The following CNBD1 variants were observed in gnomAD, a reference collection of about 807,000 sequenced individuals.
CNBD1 encodes cyclic nucleotide binding domain containing 1, also known as cyclic nucleotide-binding domain-containing protein 1.
A neutral mutation model predicts 54.4 loss-of-function variants in CNBD1; 71 were observed. The observed-to-expected ratio is 1.30, with a 90% confidence interval of 1.08 to 1.59. The LOEUF (loss-of-function observed/expected upper bound fraction) is 1.59, where lower values mean the gene tolerates loss of function less well. Ranked by LOEUF, CNBD1 falls within the 40% of genes most tolerant of loss-of-function variation. The pLI, the probability that CNBD1 is intolerant of heterozygous loss-of-function variation, is 0.00. For missense variants in CNBD1, 659 were observed against 518.0 expected, an observed-to-expected ratio of 1.27 and a Z score of -2.64; for synonymous variants, 182 against 170.7, an observed-to-expected ratio of 1.07 and a Z score of -0.51.
chr8:87,320,131 A>T (rs1809487656), intron 8 of CNBD1, among the ~76,000 whole-genome samples: 1 of 152,110 alleles, frequency 6.6e-6, no homozygotes, highest in Non-Finnish European at 1.5e-5. Flanking sequence ...TTTTAACTCC[A>T]AAAGAGAAAA....
intron 1 of CNBD1, among the ~76,000 whole-genome samples, chr8:86,882,217 C>T (rs1808615517): frequency 6.6e-6 from 1 of 152,090 alleles, no homozygotes; most frequent in Non-Finnish European, 1.5e-5. Context: ...GCAAAAGAAA[C>T]TGTCAGCAGA....
chr8:87,328,543 A>G (rs966312097), intron 8 of CNBD1, among the ~76,000 whole-genome samples: 1 of 151,950 alleles, frequency 6.6e-6, no homozygotes, highest in African/African-American at 2.4e-5. Context: ...ATCAGAAACT[A>G]TGAGGACTTC....
intron 2 of CNBD1, among the ~76,000 whole-genome samples, chr8:87,389,317 G>A (rs890374549): frequency 1.3e-5 from 2 of 152,174 alleles, no homozygotes; most frequent in Non-Finnish European, 2.9e-5. Context: ...AATTGTCCCT[G>A]TTTGCAGATG....
chr8:87,360,499 A>T (rs564534796), intron 10 of CNBD1, among the ~76,000 whole-genome samples: 1 of 151,938 alleles, frequency 6.6e-6, no homozygotes, highest in South Asian at 2.1e-4. Context: ...GTTTATTATT[A>T]TTTTTATAAA....
At chr8:87,279,340 A>G (rs865849241) in intron 6 of CNBD1, among the ~76,000 whole-genome samples, 1 of 151,556 alleles carries the variant, frequency 6.6e-6, no homozygotes, top group African/African-American at 2.4e-5. Context: ...AAATTTAGCA[A>G]TAAGTAGGAA....
At chr8:86,871,993 C>G (rs1258406222) in intron 1 of CNBD1, among the ~76,000 whole-genome samples, 1 of 152,200 alleles carries the variant, frequency 6.6e-6, no homozygotes, top group Non-Finnish European at 1.5e-5. Flanking sequence ...CAGCGTAGCT[C>G]ATTTCAGTGA....
At chr8:86,968,371 A>T (rs2130485406) in intron 4 of CNBD1, among the ~76,000 whole-genome samples, 1 of 152,286 alleles carries the variant, frequency 6.6e-6, no homozygotes, top group African/African-American at 2.4e-5. Context: ...CTCAAGCATG[A>T]GTGGGTCCTC....
intron 3 of CNBD1, among the ~76,000 whole-genome samples, chr8:86,918,466 G>T (rs1423519189): frequency 6.6e-6 from 1 of 152,068 alleles, no homozygotes; most frequent in Non-Finnish European, 1.5e-5. Flanking sequence ...ATCCTGAATT[G>T]TAGCTCCCAC....
At chr8:87,407,496 C>T (rs1446005308) in intron 2 of CNBD1, among the ~76,000 whole-genome samples, 1 of 151,932 alleles carries the variant, frequency 6.6e-6, no homozygotes, top group African/African-American at 2.4e-5. Flanking sequence ...GCATATATTT[C>T]AAGTGGGCCT....
intron 3 of CNBD1, among the ~76,000 whole-genome samples, chr8:86,919,030 T>TTA (rs1050973304): frequency 1.3e-5 from 2 of 150,838 alleles, no homozygotes; most frequent in Non-Finnish European, 3.0e-5. Context: ...CTTTTTTTTT[T>TTA]AAAAAAAAAG....
chr8:87,180,266 G>T (rs535517801), intron 4 of CNBD1, among the ~76,000 whole-genome samples: 8 of 152,242 alleles, frequency 5.3e-5, no homozygotes, highest in African/African-American at 1.7e-4. Flanking sequence ...TTGGTTGTTT[G>T]CAGAAATCAT....
chr8:87,316,462 T>C (rs1019897589), intron 8 of CNBD1, among the ~76,000 whole-genome samples: 2 of 152,030 alleles, frequency 1.3e-5, no homozygotes, highest in Non-Finnish European at 2.9e-5. Context: ...GGTAGGTGTG[T>C]CAATTGATGC....
rs997144189 is a variant in CNBD1, at chr8:87,166,433, C to T, written c.432-39560C>T. 1.3e-5 allele frequency among the ~76,000 whole-genome samples: 2 copies of T among 151,952 alleles called. No individual in the cohort carries two copies. The highest frequency in any genetic ancestry group is 4.8e-5 in the African/African-American group (2 of 41,412). On this transcript the variant is annotated intron_variant, in intron 4 of 10. Transcript: ENST00000518476. The surrounding 1 kb of genome is among the most constrained non-coding windows in gnomAD (Gnocchi z 4.3). ...CTTCTGCATGCCAGCCTAGTATTTA[C>T]ATAGCTGCTGAAATGCTCTTTTCAA...
intron 4 of CNBD1, among the ~76,000 whole-genome samples, chr8:86,992,406 G>T (rs1808773480): frequency 6.6e-6 from 1 of 152,038 alleles, no homozygotes; most frequent in Admixed American, 6.6e-5. Context: ...AGACAGTTGG[G>T]TCTTATCTTT....
intron 4 of CNBD1, among the ~76,000 whole-genome samples, chr8:87,049,757 G>A (rs1291950624): frequency 6.6e-6 from 1 of 152,214 alleles, no homozygotes; most frequent in Non-Finnish European, 1.5e-5. Context: ...TGATATTTGA[G>A]GAGGTGATTG....
chr8:87,067,477 G>C (rs2097855905), intron 4 of CNBD1, among the ~76,000 whole-genome samples: 6 of 152,014 alleles, frequency 3.9e-5, no homozygotes, highest in Admixed American at 3.9e-4. Context: ...GATTTTTGAA[G>C]ATGTTGTTTA....
At chr8:87,059,992 C>G (rs1422401373) in intron 4 of CNBD1, among the ~76,000 whole-genome samples, 1 of 152,310 alleles carries the variant, frequency 6.6e-6, no homozygotes, top group Non-Finnish European at 1.5e-5. Flanking sequence ...GAAGCCTGCC[C>G]TAGGGGGACA....
At chr8:87,275,657 T>G (rs1281659991) in intron 6 of CNBD1, among the ~76,000 whole-genome samples, 1 of 151,522 alleles carries the variant, frequency 6.6e-6, no homozygotes, top group Non-Finnish European at 1.5e-5. Context: ...CTTTGAAAAC[T>G]GGCACAAGAC....
chr8:87,025,635 C>T (rs2130584228), intron 4 of CNBD1, among the ~76,000 whole-genome samples: 1 of 152,208 alleles, frequency 6.6e-6, no homozygotes, highest in South Asian at 2.1e-4. Context: ...AGGTCTGTGG[C>T]TTTACTCCTG....
Sources: gnomAD v4.1 joint callset for allele counts (sites outside exome capture counted in the v4.1 genomes callset) on GRCh38, gnomAD v4.1.1 for gene constraint, Gnocchi (gnomAD v3.1) non-coding constraint, MANE v1.5 for transcripts, NCBI Gene and HGNC (gene_info 2026-07-23, HGNC 2026-07-21) for gene names.